EYS: variants seen among roughly 807,000 people sequenced by gnomAD.
EYS encodes EGF-like photoreceptor maintenance factor.
A neutral mutation model predicts 282.1 loss-of-function variants in EYS; 250 were observed. The observed-to-expected ratio is 0.89, with a 90% CI of 0.80 to 0.98. The LOEUF is 0.98. Among genes scored for constraint, EYS ranks in the 50% least tolerant of loss-of-function variants. EYS has a pLI of 0.00. For missense variants in EYS, 4,016 were observed against 3,709.0 expected (o/e 1.08, Z -2.15); for synonymous variants, 1,355 against 1,282.9 (o/e 1.06, Z -1.20).
At chr6:65,041,900 C>T (rs910246015) in intron 13 of EYS, among the ~76,000 whole-genome samples, 1 of 151,648 alleles carries the variant, frequency 6.6e-6, no homozygotes, top group African/African-American at 2.4e-5. Flanking sequence ...CAACCTCTTT[C>T]CAAAATAGTC....
chr6:64,151,323 A>ATATATATATATATATATATT (rs1562226613), intron 31 of EYS, among the ~76,000 whole-genome samples: 16 of 64,704 alleles, frequency 2.5e-4, no homozygotes, highest in African/African-American at 9.2e-4. Flanking sequence ...ATATTTATAT[A>ATATATATATATATATATATT]TATATATATA....
At chr6:64,190,603 G>A (rs911272928) in intron 31 of EYS, among the ~76,000 whole-genome samples, 2 of 152,142 alleles carry the variant, frequency 1.3e-5, no homozygotes, top group Non-Finnish European at 2.9e-5. Context: ...CTTCATAAAT[G>A]GGAATTAAAA....
intron 14 of EYS, among the ~76,000 whole-genome samples, chr6:64,991,439 AG>A (rs2150122608): frequency 6.6e-6 from 1 of 151,762 alleles, no homozygotes; most frequent in East Asian, 1.9e-4. Context: ...TGTTGCAGCA[AG>A]AGATTTAATA....
chr6:64,506,179 T>C (rs765888713), intron 26 of EYS, among the ~76,000 whole-genome samples: 7 of 152,154 alleles, frequency 4.6e-5, no homozygotes, highest in Non-Finnish European at 8.8e-5. Flanking sequence ...TTAAAACTGA[T>C]GTAAGTGAAT....
chr6:65,666,001 T>A (rs1451328626), intron 1 of EYS, among the ~76,000 whole-genome samples: 1 of 152,010 alleles, frequency 6.6e-6, no homozygotes. Flanking sequence ...GAAGTTCTGA[T>A]TTGTCAGTAC....
intron 31 of EYS, among the ~76,000 whole-genome samples, chr6:64,118,014 A>G (rs1773447539): frequency 6.6e-6 from 1 of 152,096 alleles, no homozygotes; most frequent in Non-Finnish European, 1.5e-5. Flanking sequence ...AATGAAAACT[A>G]TAAAACACTG....
intron 35 of EYS, among the ~76,000 whole-genome samples, chr6:63,881,040 CA>C (rs765243434): frequency 5.3e-4 from 80 of 151,746 alleles, no homozygotes; most frequent in Non-Finnish European, 9.4e-4. Context: ...TTAGATGTGA[CA>C]ATTTTCTTTT....
intron 2 of EYS, among the ~76,000 whole-genome samples, chr6:65,569,353 T>A (rs1196002863): frequency 3.3e-5 from 5 of 152,070 alleles, no homozygotes; most frequent in African/African-American, 1.2e-4. Context: ...CCAGATGAAA[T>A]AAACTGCCCT....
At chr6:64,751,461 T>C (rs766804811) in intron 22 of EYS, among the ~76,000 whole-genome samples, 1 of 152,124 alleles carries the variant, frequency 6.6e-6, no homozygotes, top group Admixed American at 6.5e-5. Context: ...GACTCCTCAT[T>C]GGAGCTGGTG....
chr6:64,538,786 G>A (rs1381131742), intron 26 of EYS, among the ~76,000 whole-genome samples: 1 of 152,072 alleles, frequency 6.6e-6, no homozygotes, highest in South Asian at 2.1e-4. Flanking sequence ...CTTTTTAAAT[G>A]AGGCTTAGAC....
chr6:63,926,570 G>C (rs1241985202), intron 35 of EYS, among the ~76,000 whole-genome samples: 1 of 152,144 alleles, frequency 6.6e-6, no homozygotes, highest in Non-Finnish European at 1.5e-5. Context: ...GGAGAAAGAG[G>C]GTAAGTGGCT....
At chr6:64,967,119 A>G (rs1016057136) in intron 14 of EYS, among the ~76,000 whole-genome samples, 4 of 152,134 alleles carry the variant, frequency 2.6e-5, no homozygotes, top group Non-Finnish European at 4.4e-5. Flanking sequence ...TTTAGCTTCA[A>G]TTATGGCATC....
intron 2 of EYS, among the ~76,000 whole-genome samples, chr6:65,595,745 A>G (rs753224071): frequency 2.6e-5 from 4 of 152,026 alleles, no homozygotes; most frequent in Non-Finnish European, 5.9e-5. Flanking sequence ...CTGTCTTTTC[A>G]CCAAATACAG....
At chr6:64,682,843 G>T (rs1334481100) in intron 22 of EYS, among the ~76,000 whole-genome samples, 4 of 151,996 alleles carry the variant, frequency 2.6e-5, no homozygotes, top group Admixed American at 6.6e-5. Context: ...AACTTGCCTG[G>T]GTCTCTGTTT....
At chr6:64,806,919 T>G (rs1764447835) in intron 22 of EYS, among the ~76,000 whole-genome samples, 1 of 152,176 alleles carries the variant, frequency 6.6e-6, no homozygotes. Flanking sequence ...CTGTGTAATC[T>G]ACAGATTAAA....
intron 36 of EYS, among the ~76,000 whole-genome samples, chr6:63,829,238 AGT>A (rs1771557180): frequency 6.6e-6 from 1 of 152,074 alleles, no homozygotes; most frequent in Admixed American, 6.6e-5. Context: ...TCAGATAGTG[AGT>A]GCAGCCTATG....
intron 15 of EYS, among the ~76,000 whole-genome samples, chr6:64,942,618 A>C (rs1769125149): frequency 6.6e-6 from 1 of 151,738 alleles, no homozygotes; most frequent in Non-Finnish European, 1.5e-5. Context: ...GAAAATCTAA[A>C]GGAAATGGGT....
chr6:65,496,845 TA>T (rs1484525817), intron 2 of EYS, among the ~76,000 whole-genome samples: 15 of 152,242 alleles, frequency 9.9e-5, no homozygotes, highest in African/African-American at 3.4e-4. Flanking sequence ...GGTATGCCAT[TA>T]TATAATTTAT....
intron 33 of EYS, among the ~76,000 whole-genome samples, chr6:64,002,513 A>G (rs1349030349): frequency 1.3e-5 from 2 of 151,610 alleles, no homozygotes. Flanking sequence ...GGAGTCACAG[A>G]CTCCCACCCC....
Sources: allele counts gnomAD v4.1 joint callset (sites outside exome capture counted in the v4.1 genomes callset), GRCh38; gene constraint gnomAD v4.1.1; transcripts MANE v1.5; gene names NCBI Gene and HGNC (gene_info 2026-07-23, HGNC 2026-07-21).